The following GABRB1 variants were observed in gnomAD, a reference collection of about 807,000 sequenced individuals.
The protein encoded by GABRB1 is gamma-aminobutyric acid receptor subunit beta-1.
In GABRB1, 17 loss-of-function variants were observed where a neutral mutation model predicts 51.6. The observed-to-expected ratio is 0.33, with a 90% CI of 0.23 to 0.49. The LOEUF (loss-of-function observed/expected upper bound fraction) is 0.49. GABRB1 is among the 20% of genes least tolerant of loss of function. The probability of loss-of-function intolerance (pLI) is 0.99; values close to 1 mark genes in which losing one functional copy is unlikely to be tolerated. For missense variants in GABRB1, 410 were observed against 600.6 expected (o/e 0.68, Z 3.32); for synonymous variants, 247 against 218.9 (o/e 1.13, Z -1.14).
At chr4:47,383,414 TG>T (rs1727660906) in intron 5 of GABRB1, among the ~76,000 whole-genome samples, 1 of 152,096 alleles carries the variant, frequency 6.6e-6, no homozygotes, top group African/African-American at 2.4e-5. Context: ...AAAATTGAAT[TG>T]GGTAGCAGCT....
intron 5 of GABRB1, among the ~76,000 whole-genome samples, chr4:47,372,955 A>G (rs1458331140): frequency 6.6e-6 from 1 of 152,150 alleles, no homozygotes; most frequent in Non-Finnish European, 1.5e-5. Context: ...GGGAGTCACC[A>G]AACCTCTTTC....
At chr4:47,026,186 AC>A (rs1485938291) in intron 1 of GABRB1, among the ~76,000 whole-genome samples, 1 of 152,052 alleles carries the variant, frequency 6.6e-6, no homozygotes, top group Non-Finnish European at 1.5e-5. Flanking sequence ...AGTCCTTTTC[AC>A]GTTTCTAGCA....
intron 5 of GABRB1, among the ~76,000 whole-genome samples, chr4:47,369,185 G>C (rs1727099813): frequency 6.6e-6 from 1 of 152,060 alleles, no homozygotes; most frequent in African/African-American, 2.4e-5. Context: ...TATTAAATTT[G>C]TTCCCAATAC....
intron 4 of GABRB1, among the ~76,000 whole-genome samples, chr4:47,215,622 T>C (rs1166461127): frequency 6.6e-6 from 1 of 152,100 alleles, no homozygotes; most frequent in Non-Finnish European, 1.5e-5. Context: ...CTGTTTTTTA[T>C]GAATGAGGAT....
At chr4:47,075,665 T>C (rs1281724507) in intron 3 of GABRB1, among the ~76,000 whole-genome samples, 1 of 152,196 alleles carries the variant, frequency 6.6e-6, no homozygotes, top group Non-Finnish European at 1.5e-5. Flanking sequence ...TTTAAGGTTT[T>C]TGTTCTTCAC....
chr4:47,035,574 A>C (rs1336869962), intron 3 of GABRB1, among the ~76,000 whole-genome samples: 1 of 152,156 alleles, frequency 6.6e-6, no homozygotes, highest in Non-Finnish European at 1.5e-5. Flanking sequence ...TTAAAAAACC[A>C]CCATGATTTC....
At chr4:47,031,436 C>T (rs991229406), upstream of GABRB1, 1 of 571,984 alleles carries the variant, frequency 1.7e-6, no homozygotes, top group Admixed American at 3.2e-5. Flanking sequence ...TCTGACTACC[C>T]GGAGGACATG....
chr4:47,413,930 G>A (rs1728837293), intron 8 of GABRB1, among the ~76,000 whole-genome samples: 1 of 152,180 alleles, frequency 6.6e-6, no homozygotes, highest in African/African-American at 2.4e-5. Flanking sequence ...AATAGAGATG[G>A]TATTTAGAGT....
At chr4:47,290,226 C>A (rs192312992) in intron 4 of GABRB1, among the ~76,000 whole-genome samples, 13 of 152,242 alleles carry the variant, frequency 8.5e-5, no homozygotes, top group African/African-American at 2.9e-4. Context: ...ATCATGGGGG[C>A]AGGTCTTTCC....
At chr4:47,381,528 A>C (rs999321213) in intron 5 of GABRB1, among the ~76,000 whole-genome samples, 4 of 152,216 alleles carry the variant, frequency 2.6e-5, no homozygotes, top group African/African-American at 9.6e-5. Flanking sequence ...AAACTCAGAC[A>C]AAATTATCTC....
chr4:47,090,006 C>T lies in GABRB1; in HGVS notation c.240+57522C>T, dbSNP rs564878080. ...ATACTAGAAAGTGATTTCTGGCTAACGTAATTTTAGTTCTATCACATTTGG... is the reference window on the plus strand; with the variant it reads ...ATACTAGAAAGTGATTTCTGGCTAATGTAATTTTAGTTCTATCACATTTGG... On this transcript the variant is annotated intron_variant, in intron 3 of 8. Transcript: ENST00000295454. Among the ~76,000 whole-genome samples the T allele has an allele frequency of 2.3e-3, 355 of 152,200 alleles. 1 individual carries two copies. Among genetic ancestry groups the T allele is most frequent in the African/African-American group, 8.3e-3 (343 of 41,560 alleles).
At chr4:47,073,449 A>ATT (rs1282262390) in intron 3 of GABRB1, among the ~76,000 whole-genome samples, 10 of 152,180 alleles carry the variant, frequency 6.6e-5, no homozygotes, top group South Asian at 2.1e-4. Flanking sequence ...ATTCAAACAT[A>ATT]TAGATTGTCC....
intron 3 of GABRB1, among the ~76,000 whole-genome samples, chr4:47,047,982 A>G (rs1726171580): frequency 6.6e-6 from 1 of 152,158 alleles, no homozygotes; most frequent in Non-Finnish European, 1.5e-5. Flanking sequence ...AAGCTTCAGA[A>G]CAAAAAAAGA....
chr4:47,082,327 C>T (rs998303807), intron 3 of GABRB1, among the ~76,000 whole-genome samples: 1 of 151,732 alleles, frequency 6.6e-6, no homozygotes, highest in Non-Finnish European at 1.5e-5. Flanking sequence ...AAAAAGATGC[C>T]ATTAAATTCT....
chr4:47,396,196 A>G (rs1167155695), intron 5 of GABRB1, among the ~76,000 whole-genome samples: 2 of 152,164 alleles, frequency 1.3e-5, no homozygotes, highest in Non-Finnish European at 2.9e-5. Context: ...CATATCTTAC[A>G]TGGATGGCAG....
intron 3 of GABRB1, among the ~76,000 whole-genome samples, chr4:47,054,436 T>C (rs1726499786): frequency 6.6e-6 from 1 of 152,202 alleles, no homozygotes; most frequent in African/African-American, 2.4e-5. Context: ...GGGATAATGA[T>C]GTCTGCTTTA....
At chr4:47,342,146 T>C (rs1725923587) in intron 5 of GABRB1, among the ~76,000 whole-genome samples, 1 of 152,198 alleles carries the variant, frequency 6.6e-6, no homozygotes, top group African/African-American at 2.4e-5. Flanking sequence ...AGTTTTTTTG[T>C]TATTTTTTCA....
intron 5 of GABRB1, among the ~76,000 whole-genome samples, chr4:47,350,212 TATATATAGAGAG>T (rs1323261658): frequency 1.5e-3 from 128 of 85,616 alleles, no homozygotes; most frequent in Non-Finnish European, 2.3e-3. Flanking sequence ...TATATATATA[TATATATAGAGAG>T]AGAGAGAGAG....
chr4:47,054,900 T>C lies in GABRB1; in HGVS notation c.240+22416T>C, dbSNP rs538303869. 9.2e-5 allele frequency among the ~76,000 whole-genome samples: 14 copies of C among 152,226 alleles called. No homozygotes were observed. In the South Asian group the frequency reaches 2.9e-3, roughly 32 times the overall value. On this transcript the variant is annotated intron_variant, in intron 3 of 8. Transcript: ENST00000295454. ...GCACCCGGACACTTTATGGACAACA[T>C]TTTTTAAAGTTGTCATTTCATAAGT... is the stretch of plus-strand genomic sequence containing the variant.
Sources: allele counts gnomAD v4.1 joint callset (sites outside exome capture counted in the v4.1 genomes callset), GRCh38; gene constraint gnomAD v4.1.1; transcripts MANE v1.5; gene names NCBI Gene and HGNC (gene_info 2026-07-23, HGNC 2026-07-21).